The following DNAJC15 variants were observed in gnomAD, a reference collection of about 807,000 sequenced individuals.
The protein encoded by DNAJC15 is dnaJ homolog subfamily C member 15.
Under a neutral mutation model 22.4 loss-of-function variants are expected in DNAJC15, and 27 were observed. That is an observed-to-expected ratio of 1.20 (90% CI 0.89 to 1.66). DNAJC15 has a LOEUF of 1.66. DNAJC15 is among the 40% of genes most tolerant of loss of function. The probability of loss-of-function intolerance (pLI) is 0.00; values close to 1 mark genes in which losing one functional copy is unlikely to be tolerated. For synonymous variants in DNAJC15, 79 were observed against 63.2 expected (o/e 1.25, Z -1.19); for missense variants, 208 against 187.1 (o/e 1.11, Z -0.65).
intron 1 of DNAJC15, among the ~76,000 whole-genome samples, chr13:43,024,119 A>C (rs1241672178): frequency 6.6e-6 from 1 of 152,214 alleles, no homozygotes; most frequent in Non-Finnish European, 1.5e-5. Context: ...TTAAAAATTA[A>C]GATCTGAATG....
At chr13:43,082,951 CAT>C (rs2153441490) in intron 4 of DNAJC15, among the ~76,000 whole-genome samples, 1 of 151,654 alleles carries the variant, frequency 6.6e-6, no homozygotes, top group African/African-American at 2.4e-5. Flanking sequence ...GAACTTATCT[CAT>C]TATTTAGAGG....
At chr13:43,101,298 G>A (rs1383434311) in intron 5 of DNAJC15, among the ~76,000 whole-genome samples, 1 of 152,186 alleles carries the variant, frequency 6.6e-6, no homozygotes, top group Non-Finnish European at 1.5e-5. Flanking sequence ...AGAGTGCTGG[G>A]ATTATAGGCA....
chr13:43,054,192 G>A (rs1344062304), intron 1 of DNAJC15, among the ~76,000 whole-genome samples: 1 of 152,090 alleles, frequency 6.6e-6, no homozygotes, highest in Non-Finnish European at 1.5e-5. Context: ...CTTCTGTTTA[G>A]TATATCACAT....
chr13:43,080,445 T>C (rs2040656564), intron 4 of DNAJC15, among the ~76,000 whole-genome samples: 1 of 152,254 alleles, frequency 6.6e-6, no homozygotes, highest in African/African-American at 2.4e-5. Context: ...ACATTTTCTT[T>C]ATCCTGTCTA....
intron 5 of DNAJC15, among the ~76,000 whole-genome samples, chr13:43,097,685 C>G (rs1566217028): frequency 6.6e-6 from 1 of 152,090 alleles, no homozygotes; most frequent in South Asian, 2.1e-4. Context: ...TTCCTGTAAT[C>G]CCAGCACTTT....
In DNAJC15 at chr13:43,068,923, T is replaced by C. The variant is rs774780407; in HGVS notation, c.161-7T>C. 2.0e-5 allele frequency: 32 copies of C among 1,610,118 alleles called. No individual in the cohort carries two copies. The highest frequency in any genetic ancestry group is 2.5e-6 in the Non-Finnish European group (3 of 1,178,368). ...ATACATTTGCTTTTATTCCCTTTAC[T>C]ATTTAGGTCGCTACGCATTTCGGAT... On this transcript the variant is annotated splice_polypyrimidine_tract_variant and splice_region_variant and intron_variant, in intron 2 of 5. Coordinates refer to ENST00000379221, the MANE Select transcript of DNAJC15 (RefSeq NM_013238.3).
intron 1 of DNAJC15, among the ~76,000 whole-genome samples, chr13:43,042,190 C>G (rs2040457346): frequency 6.6e-6 from 1 of 152,048 alleles, no homozygotes; most frequent in Non-Finnish European, 1.5e-5. Context: ...ATGTTTTTTC[C>G]TATATATACA....
intron 1 of DNAJC15, among the ~76,000 whole-genome samples, chr13:43,041,467 CACAG>C (rs1354622018): frequency 6.6e-6 from 1 of 152,182 alleles, no homozygotes; most frequent in Non-Finnish European, 1.5e-5. Flanking sequence ...CTTCTTTCTA[CACAG>C]ACACAGTAAC....
At chr13:43,082,775 A>G (rs2040667927) in intron 4 of DNAJC15, among the ~76,000 whole-genome samples, 1 of 152,116 alleles carries the variant, frequency 6.6e-6, no homozygotes, top group Non-Finnish European at 1.5e-5. Flanking sequence ...CTAAAACTTA[A>G]TATCTAGAAT....
chr13:43,074,477 C>T (rs899502065), intron 3 of DNAJC15, among the ~76,000 whole-genome samples: 2 of 152,108 alleles, frequency 1.3e-5, no homozygotes, highest in Admixed American at 1.3e-4. Flanking sequence ...TTGTTCCTTA[C>T]AGTAATCTCA....
chr13:43,059,562 A>G (rs936791272), intron 1 of DNAJC15, among the ~76,000 whole-genome samples: 1 of 152,170 alleles, frequency 6.6e-6, no homozygotes, highest in South Asian at 2.1e-4. Flanking sequence ...CACCACACCC[A>G]GGATCTTTCT....
chr13:43,065,217 T>C (rs1217654165), intron 1 of DNAJC15, among the ~76,000 whole-genome samples: 2 of 152,232 alleles, frequency 1.3e-5, no homozygotes, highest in Non-Finnish European at 2.9e-5. Flanking sequence ...TTTTGAATTT[T>C]TTATCATTTT....
chr13:43,044,502 T>G (rs1258669499), intron 1 of DNAJC15, among the ~76,000 whole-genome samples: 1 of 152,156 alleles, frequency 6.6e-6, no homozygotes, highest in Non-Finnish European at 1.5e-5. Flanking sequence ...CAAAAGGCAG[T>G]TAGTGTCATT....
In DNAJC15 at chr13:43,107,242, A is replaced by C. The variant is rs1483637380; in HGVS notation, c.447A>C (p.Lys149Asn). The change falls in exon 6 of 6, where the codon AAA becomes AAC. Residue 149 changes from lysine to asparagine, a missense_variant. Physicochemically the swap from Lys to Asn is moderately conservative, Grantham distance 94. Transcript: ENST00000379221. ...EAKDLLETTT[K>N]H is the part of the protein sequence containing the mutation. ...AAGACTTGCTAGAAACAACCACCAA[A>C]CATTGATGCTTAAGGACCACACTGA... 1 of 1,590,504 alleles carries C rather than the reference A, an allele frequency of 6.3e-7. No individual in the cohort carries two copies. Among genetic ancestry groups the C allele is most frequent in the African/African-American group, 1.4e-5 (1 of 73,414 alleles).
chr13:43,037,994 T>G (rs1238169004), intron 1 of DNAJC15, among the ~76,000 whole-genome samples: 3 of 152,246 alleles, frequency 2.0e-5, no homozygotes, highest in African/African-American at 4.8e-5. Context: ...CAATAATATA[T>G]TTAATTGTTG....
At chr13:43,072,160 G>A (rs1456207098) in intron 3 of DNAJC15, among the ~76,000 whole-genome samples, 2 of 152,020 alleles carry the variant, frequency 1.3e-5, no homozygotes, top group Non-Finnish European at 2.9e-5. Flanking sequence ...TTTGGGTTTT[G>A]GGGTTTTACA....
intron 2 of DNAJC15, 125 bp downstream of exon 2, chr13:43,065,862 C>T (rs866535928): frequency 2.7e-6 from 2 of 752,884 alleles, no homozygotes; most frequent in Middle Eastern, 3.2e-4. Context: ...CATTCTCATT[C>T]TTTCCACCAT....
chr13:43,024,695 G>T (rs1206184791), intron 1 of DNAJC15, among the ~76,000 whole-genome samples: 1 of 151,756 alleles, frequency 6.6e-6, no homozygotes, highest in East Asian at 1.9e-4. Flanking sequence ...AAACAGGTGG[G>T]TTTGATTTTA....
chr13:43,066,016 TAA>T (rs1212941575), intron 2 of DNAJC15, among the ~76,000 whole-genome samples: 1 of 152,212 alleles, frequency 6.6e-6, no homozygotes, highest in African/African-American at 2.4e-5. Flanking sequence ...TAGTATACTA[TAA>T]AAAGAAATTT....
Sources: gnomAD v4.1 joint callset for allele counts (sites outside exome capture counted in the v4.1 genomes callset) on GRCh38, gnomAD v4.1.1 for gene constraint, MANE v1.5 for transcripts, NCBI Gene and HGNC (gene_info 2026-07-23, HGNC 2026-07-21) for gene names.